Variants in ITSN2 observed in about 807,000 individuals in gnomAD.
The protein encoded by ITSN2 is intersectin-2.
ITSN2 carries 156 observed loss-of-function variants against 243.7 expected under a neutral mutation model. The ratio of observed to expected loss-of-function variants is 0.64; its 90% CI spans 0.56 to 0.73. The LOEUF (loss-of-function observed/expected upper bound fraction) is 0.73. Ranked by LOEUF, ITSN2 falls within the 30% of genes least tolerant of loss-of-function variation. The probability of loss-of-function intolerance (pLI) is 0.00; values close to 1 mark genes in which losing one functional copy is unlikely to be tolerated. For missense variants in ITSN2, 1,801 were observed against 1,996.1 expected, an observed-to-expected ratio of 0.90 and a Z score of 1.86; for synonymous variants, 703 against 699.9, an observed-to-expected ratio of 1.00 and a Z score of -0.07.
intron 15 of ITSN2, among the ~76,000 whole-genome samples, chr2:24,290,911 C>A (rs1434578242): frequency 1.4e-5 from 2 of 144,894 alleles, no homozygotes; most frequent in Non-Finnish European, 3.2e-5. Flanking sequence ...TCTCCTCCCC[C>A]CTACCAAAGT....
At chr2:24,269,873 T>C (rs563280142) in intron 20 of ITSN2, among the ~76,000 whole-genome samples, 8 of 152,288 alleles carry the variant, frequency 5.3e-5, no homozygotes, top group African/African-American at 1.9e-4. Flanking sequence ...GACAGTGGAC[T>C]TGGGCTGGTT....
chr2:24,284,186 A>C (rs910330277), intron 17 of ITSN2, among the ~76,000 whole-genome samples: 2 of 152,236 alleles, frequency 1.3e-5, no homozygotes, highest in African/African-American at 2.4e-5. Flanking sequence ...TACGTTATAC[A>C]TGGCAAAGAG....
intron 2 of ITSN2, chr2:24,326,727 A>T (rs994225670): frequency 1.8e-5 from 3 of 169,076 alleles, no homozygotes; most frequent in Non-Finnish European, 2.9e-5. Flanking sequence ...CTTCAAGTCT[A>T]TCCTTAAATG....
chr2:24,347,077 C>T (rs1052396642), intron 1 of ITSN2, among the ~76,000 whole-genome samples: 3 of 151,930 alleles, frequency 2.0e-5, no homozygotes, highest in African/African-American at 7.3e-5. Flanking sequence ...ATTGGCCAGG[C>T]TGGTCTTGAA....
intron 22 of ITSN2, 62 bp downstream of exon 22, chr2:24,261,044 A>G: frequency 6.8e-7 from 1 of 1,462,440 alleles, no homozygotes; most frequent in Non-Finnish European, 9.4e-7. Context: ...TATAATTTTC[A>G]TTCTATTTTA....
In ITSN2 at chr2:24,253,408, TC is replaced by T. The variant is rs1379745232; in HGVS notation, c.2954-898del. ...TCCTCACTACTTTCCTAGGCTCAGC[TC>T]AGAGCACTCATTCCACAGTACACCT... On this transcript the variant is annotated intron_variant, in intron 24 of 39. Transcript: ENST00000355123. Among the ~76,000 whole-genome samples, 4 of 152,226 alleles carry T rather than the reference TC, an allele frequency of 2.6e-5. No homozygotes were observed. In the East Asian group the frequency reaches 7.7e-4, roughly 29 times the overall value.
intron 29 of ITSN2, among the ~76,000 whole-genome samples, chr2:24,233,969 A>C (rs2151214417): frequency 6.6e-6 from 1 of 152,320 alleles, no homozygotes; most frequent in East Asian, 1.9e-4. Flanking sequence ...AGTGATTCTA[A>C]AACTGATTCT....
intron 17 of ITSN2, among the ~76,000 whole-genome samples, chr2:24,279,606 G>C (rs535448897): frequency 4.6e-5 from 7 of 152,144 alleles, no homozygotes; most frequent in Non-Finnish European, 1.0e-4. Flanking sequence ...CAAATTTGGA[G>C]GGTAAATGAC....
intron 27 of ITSN2, 37 bp downstream of exon 27, chr2:24,248,592 A>AT (rs745641020): frequency 5.9e-6 from 9 of 1,534,582 alleles, no homozygotes; most frequent in Middle Eastern, 1.8e-4. Context: ...CAGTACTTTT[A>AT]TAATAAAATT....
At position 24,304,597 on chromosome 2, in the gene ITSN2, T is replaced by C. The variant is rs142361146; in HGVS notation, c.794-735A>G. 2.0e-5 allele frequency among the ~76,000 whole-genome samples: 3 copies of C among 152,280 alleles called. No homozygotes were observed. In the East Asian group the frequency reaches 5.8e-4, roughly 29 times the overall value. On this transcript the variant is annotated intron_variant, in intron 8 of 39. Coordinates refer to ENST00000355123, the MANE Select transcript of ITSN2 (RefSeq NM_006277.3). ...CTCAGATTTCACTTAGGAAATTTGATTTGAGGAGGTCTTTGTGTTAAAAGG... is the reference window on the plus strand; with the variant it reads ...CTCAGATTTCACTTAGGAAATTTGACTTGAGGAGGTCTTTGTGTTAAAAGG...
chr2:24,271,878 T>A lies in ITSN2; in HGVS notation c.2145A>T (p.Lys715Asn). Residue 715 changes from lysine to asparagine, a missense_variant, in exon 19 of 40, where the codon AAA becomes AAT. By Grantham distance (94) the Lys-to-Asn change is moderately conservative. This residue lies in a region of ITSN2 where 787 missense variants were observed against 803.9 expected (regional missense o/e 0.98). Coordinates refer to ENST00000355123, the MANE Select transcript of ITSN2 (RefSeq NM_006277.3). ...KENLRKEEEEKQKRLQEEKTQ... is the reference protein window; with the variant it reads ...KENLRKEEEENQKRLQEEKTQ... Reference sequence around the variant, plus strand: ...TTTTTTCTTCCTGGAGTCGCTTTTGTTTTTCTTCTTCCTCCTTTCTAAGAT... The same window carrying A: ...TTTTTTCTTCCTGGAGTCGCTTTTGATTTTCTTCTTCCTCCTTTCTAAGAT... 6.2e-7 allele frequency: 1 copy of A among 1,606,674 alleles called. No homozygotes were observed. The highest frequency in any genetic ancestry group is 1.1e-5 in the South Asian group (1 of 88,806).
At position 24,214,733 on chromosome 2, in the gene ITSN2, C is replaced by T. The variant is rs1669808927; in HGVS notation, c.3990+1316G>A. The stretch of plus-strand genomic sequence containing the variant: ...TATTGATATAATTTGTGCTTTTTAC[C>T]TTTATTACTTCCTCCATTTTCCTTT... On this transcript the variant is annotated intron_variant, in intron 32 of 39. Transcript: ENST00000355123. 8.6e-5 allele frequency among the ~76,000 whole-genome samples: 13 copies of T among 151,794 alleles called. No homozygotes were observed. The South Asian group carries it at 2.7e-3, about 32-fold the overall frequency.
At chr2:24,287,665 A>T (rs1679691136) in intron 15 of ITSN2, among the ~76,000 whole-genome samples, 1 of 152,052 alleles carries the variant, frequency 6.6e-6, no homozygotes, top group Admixed American at 6.5e-5. Context: ...AACAGTGTAC[A>T]TGGGTTCCCT....
At chr2:24,241,375 A>G (rs1672709173) in intron 29 of ITSN2, 1 of 152,250 alleles carries the variant, frequency 6.6e-6, no homozygotes, top group East Asian at 1.9e-4. Context: ...GGTCATCGAA[A>G]AAGAATACAC....
At chr2:24,251,328 A>AAT (rs1158351594) in intron 25 of ITSN2, among the ~76,000 whole-genome samples, 81 of 6,994 alleles carry the variant, frequency 0.012, 30 homozygotes, top group African/African-American at 0.024. Flanking sequence ...AAAAAAATAA[A>AAT]ATATATATAT....
At chr2:24,206,367 C>T (rs553017693) in intron 37 of ITSN2, 5 of 254,740 alleles carry the variant, frequency 2.0e-5, no homozygotes, top group East Asian at 1.6e-4. Context: ...TGGGGGGGCC[C>T]GGCGGGAAGG....
intron 7 of ITSN2, chr2:24,309,047 G>A (rs1022679067): frequency 6.6e-5 from 19 of 289,018 alleles, no homozygotes; most frequent in Non-Finnish European, 1.2e-4. Flanking sequence ...CTCCCTTTGA[G>A]AATCTAATGC....
chr2:24,336,022 A>T (rs1333316458), intron 1 of ITSN2, among the ~76,000 whole-genome samples: 2 of 151,560 alleles, frequency 1.3e-5, no homozygotes, highest in African/African-American at 4.8e-5. Flanking sequence ...CAGGTGGATC[A>T]CGAGGTCAGG....
intron 29 of ITSN2, among the ~76,000 whole-genome samples, chr2:24,237,899 C>G (rs1672341688): frequency 6.6e-6 from 1 of 152,156 alleles, no homozygotes; most frequent in Admixed American, 6.5e-5. Context: ...TACAGCTGAG[C>G]TAGAGAATTT....
Sources: gnomAD v4.1 joint callset for allele counts (sites outside exome capture counted in the v4.1 genomes callset) on GRCh38, gnomAD v4.1.1 for gene constraint, gnomAD v4.1.1 regional missense constraint, MANE v1.5 for transcripts, NCBI Gene and HGNC (gene_info 2026-07-23, HGNC 2026-07-21) for gene names.